NEGR1: variants seen among roughly 807,000 people sequenced by gnomAD.
NEGR1 encodes the protein neuronal growth regulator 1.
In NEGR1, 10 loss-of-function variants were observed where a neutral mutation model predicts 40.9. The observed-to-expected ratio is 0.24, with a 90% CI of 0.15 to 0.42. The LOEUF is 0.42. NEGR1 is among the 10% of genes least tolerant of loss of function. The pLI is 1.00. For synonymous variants in NEGR1, 185 were observed against 166.8 expected (o/e 1.11, Z -0.84); for missense variants, 352 against 438.9 (o/e 0.80, Z 1.77).
chr1:71,510,085 T>C (rs547479696), intron 6 of NEGR1, among the ~76,000 whole-genome samples: 4 of 152,302 alleles, frequency 2.6e-5, no homozygotes, highest in Admixed American at 6.5e-5. Flanking sequence ...GACCCATTAA[T>C]GGGTTGGCTA....
intron 1 of NEGR1, among the ~76,000 whole-genome samples, chr1:72,136,855 A>G (rs1650488319): frequency 6.6e-6 from 1 of 152,130 alleles, no homozygotes; most frequent in Non-Finnish European, 1.5e-5. Context: ...CCATCTGACA[A>G]AGGGCTAATA....
chr1:72,000,298 A>G (rs890752789), intron 1 of NEGR1, among the ~76,000 whole-genome samples: 10 of 152,132 alleles, frequency 6.6e-5, no homozygotes, highest in Admixed American at 2.6e-4. Flanking sequence ...CATTACACAT[A>G]TGATCACATT....
At chr1:71,617,651 C>T (rs1311302455) in intron 4 of NEGR1, among the ~76,000 whole-genome samples, 1 of 152,166 alleles carries the variant, frequency 6.6e-6, no homozygotes, top group Non-Finnish European at 1.5e-5. Context: ...CCGTGTCATC[C>T]ATAGATAAAT....
Position 71,659,417 on chromosome 1 carries a change from G to A in NEGR1, c.667+38591C>T, listed in dbSNP as rs1379261788. ...GCAATACCATACTGGACATAGGGGT[G>A]GGCAAAGATTTCATGACAAAGACAC... On this transcript the variant is annotated intron_variant, in intron 4 of 6. Coordinates refer to ENST00000357731, the MANE Select transcript of NEGR1 (RefSeq NM_173808.3). Among the ~76,000 whole-genome samples the A allele has an allele frequency of 2.0e-5, 3 of 152,174 alleles. No individual in the cohort carries two copies. The East Asian group carries it at 5.8e-4, about 29-fold the overall frequency.
chr1:71,551,663 T>A (rs749669111), intron 6 of NEGR1, among the ~76,000 whole-genome samples: 3 of 151,604 alleles, frequency 2.0e-5, no homozygotes, highest in Non-Finnish European at 4.4e-5. Flanking sequence ...TCAATCACAG[T>A]GCTCTTTCCT....
At chr1:71,736,356 T>C (rs148120591) in intron 3 of NEGR1, among the ~76,000 whole-genome samples, 7 of 152,258 alleles carry the variant, frequency 4.6e-5, no homozygotes, top group African/African-American at 1.7e-4. Flanking sequence ...TTTCCTTTTG[T>C]TTGCATATAT....
At chr1:71,814,575 G>A (rs185676509) in intron 2 of NEGR1, among the ~76,000 whole-genome samples, 77 of 152,152 alleles carry the variant, frequency 5.1e-4, no homozygotes, top group African/African-American at 1.8e-3. Flanking sequence ...ATTTATTACT[G>A]TCTGAATTTC....
chr1:71,921,730 A>G (rs1344453465), intron 2 of NEGR1, among the ~76,000 whole-genome samples: 1 of 142,782 alleles, frequency 7.0e-6, no homozygotes, highest in Non-Finnish European at 1.5e-5. Context: ...ATATATATAT[A>G]TATAGAATAC....
chr1:71,673,542 G>T (rs1019974120), intron 4 of NEGR1, among the ~76,000 whole-genome samples: 7 of 151,952 alleles, frequency 4.6e-5, no homozygotes, highest in Non-Finnish European at 1.0e-4. Context: ...ATCTAGGATG[G>T]TTTGTTCATG....
intron 1 of NEGR1, among the ~76,000 whole-genome samples, chr1:72,107,670 G>T (rs1649190811): frequency 6.6e-6 from 1 of 151,056 alleles, no homozygotes; most frequent in South Asian, 2.1e-4. Flanking sequence ...TTTATCAACA[G>T]AATCTTATAT....
chr1:72,157,890 C>T (rs1176552354), intron 1 of NEGR1, among the ~76,000 whole-genome samples: 3 of 152,140 alleles, frequency 2.0e-5, no homozygotes, highest in Admixed American at 1.3e-4. Context: ...AAGAATAAAA[C>T]TACACACTAT....
rs542290210 is a variant in NEGR1, at chr1:71,636,110, T to C, written c.668-24964A>G. Among the ~76,000 whole-genome samples, 11 of 152,168 alleles carry C rather than the reference T, an allele frequency of 7.2e-5. No homozygotes were observed. The East Asian group carries it at 1.9e-3, about 27-fold the overall frequency. On this transcript the variant is annotated intron_variant, in intron 4 of 6. Coordinates refer to ENST00000357731, the MANE Select transcript of NEGR1 (RefSeq NM_173808.3). ...GTTTTAAAATATTTTTGAATAGCAA[T>C]CCTAAGAGTGGTATTGTTAGGGTAG...
chr1:72,019,721 TTTC>T (rs1646740987), intron 1 of NEGR1, among the ~76,000 whole-genome samples: 1 of 152,206 alleles, frequency 6.6e-6, no homozygotes, highest in African/African-American at 2.4e-5. Context: ...CAATATCACA[TTTC>T]TTCATTTTGT....
At chr1:72,061,059 C>T (rs2100493418) in intron 1 of NEGR1, among the ~76,000 whole-genome samples, 1 of 151,732 alleles carries the variant, frequency 6.6e-6, no homozygotes, top group Admixed American at 6.6e-5. Flanking sequence ...TTGTGGATTT[C>T]CTCACTCAGG....
intron 2 of NEGR1, among the ~76,000 whole-genome samples, chr1:71,805,425 C>T (rs899220960): frequency 6.6e-6 from 1 of 152,088 alleles, no homozygotes; most frequent in Non-Finnish European, 1.5e-5. Flanking sequence ...CCCCGGACAC[C>T]CAGTTTTAAA....
intron 1 of NEGR1, among the ~76,000 whole-genome samples, chr1:72,042,763 T>A (rs1156632140): frequency 6.6e-6 from 1 of 152,110 alleles, no homozygotes; most frequent in Non-Finnish European, 1.5e-5. Context: ...CTAGATGTAG[T>A]AGGACACATT....
intron 1 of NEGR1, among the ~76,000 whole-genome samples, chr1:72,167,862 C>T (rs2630429): frequency 0.97 from 147,555 of 152,038 alleles, 71,644 homozygotes; most frequent in East Asian, 1. Context: ...TGTCATTCTA[C>T]ATTTATTAGT....
chr1:71,702,851 A>G (rs1036254533), intron 3 of NEGR1, among the ~76,000 whole-genome samples: 1 of 152,018 alleles, frequency 6.6e-6, no homozygotes, highest in African/African-American at 2.4e-5. Flanking sequence ...ATCTCATGCA[A>G]TTTTCAAGCA....
At chr1:71,835,012 C>A (rs974606158) in intron 2 of NEGR1, among the ~76,000 whole-genome samples, 1 of 151,830 alleles carries the variant, frequency 6.6e-6, no homozygotes, top group African/African-American at 2.4e-5. Flanking sequence ...CAATCTGGAC[C>A]AGGCTGGACT....
Sources: allele counts gnomAD v4.1 joint callset (sites outside exome capture counted in the v4.1 genomes callset), GRCh38; gene constraint gnomAD v4.1.1; transcripts MANE v1.5; gene names NCBI Gene and HGNC (gene_info 2026-07-23, HGNC 2026-07-21).